The following SFXN5 variants were observed in gnomAD, a reference collection of about 807,000 sequenced individuals.
SFXN5 encodes the protein sideroflexin 5.
SFXN5 carries 43 observed loss-of-function variants against 50.2 expected under a neutral mutation model. That is an observed-to-expected ratio of 0.86 (90% confidence interval 0.67 to 1.11). The LOEUF is 1.11. Among genes scored for constraint, SFXN5 ranks in the 50% least tolerant of loss-of-function variants. The probability of loss-of-function intolerance (pLI) is 0.00; values close to 1 mark genes in which losing one functional copy is unlikely to be tolerated. For missense variants in SFXN5, 463 were observed against 454.1 expected (o/e 1.02, Z -0.18); for synonymous variants, 203 against 185.8 (o/e 1.09, Z -0.75).
intron 13 of SFXN5, among the ~76,000 whole-genome samples, chr2:72,959,644 A>T (rs1240142943): frequency 6.7e-6 from 1 of 149,106 alleles, no homozygotes; most frequent in Non-Finnish European, 1.5e-5. Context: ...CTCCTCTTCC[A>T]CCTACTGAAG....
At chr2:73,005,469 C>T (rs1383661491) in intron 6 of SFXN5, among the ~76,000 whole-genome samples, 1 of 152,176 alleles carries the variant, frequency 6.6e-6, no homozygotes, top group Non-Finnish European at 1.5e-5. Context: ...TGTTTCTTCA[C>T]CTGTTAAGTG....
chr2:72,965,188 G>A lies in SFXN5; in HGVS notation c.827+3260C>T, dbSNP rs559827955. Reference sequence around the variant, plus strand: ...CTGGACAGCAAGAGGACGTTGAGGGGAGCACGCTGGCGGAAGGGCACATTG... The same window carrying A: ...CTGGACAGCAAGAGGACGTTGAGGGAAGCACGCTGGCGGAAGGGCACATTG... On this transcript the variant is annotated intron_variant, in intron 12 of 13. Transcript: ENST00000272433. Among the ~76,000 whole-genome samples, 4 of 152,326 alleles carry A rather than the reference G, an allele frequency of 2.6e-5. No homozygotes were observed. The South Asian group carries it at 8.3e-4, about 32-fold the overall frequency.
intron 12 of SFXN5, among the ~76,000 whole-genome samples, chr2:72,966,309 C>T (rs1332496870): frequency 1.3e-5 from 2 of 152,186 alleles, no homozygotes; most frequent in Non-Finnish European, 2.9e-5. Context: ...ACTGAACCAG[C>T]TTCAGAATTC....
At chr2:73,059,420 A>C (rs1353159435) in intron 1 of SFXN5, 1 of 985,380 alleles carries the variant, frequency 1.0e-6, no homozygotes. Flanking sequence ...CTGGAGCCCC[A>C]CAACTCTCCA....
chr2:72,987,319 A>G (rs930968029), intron 10 of SFXN5, among the ~76,000 whole-genome samples: 14 of 151,446 alleles, frequency 9.2e-5, no homozygotes, highest in Admixed American at 7.9e-4. Context: ...CATGTTGGCA[A>G]GGATGGTCTT....
chr2:73,064,681 G>A (rs940741192), intron 1 of SFXN5, among the ~76,000 whole-genome samples: 1 of 152,190 alleles, frequency 6.6e-6, no homozygotes, highest in Non-Finnish European at 1.5e-5. Context: ...TACCCCAGAG[G>A]GAGCCCTGTG....
Position 73,064,287 on chromosome 2 carries a change from C to T in SFXN5, c.103-5691G>A, listed in dbSNP as rs539809122. ...CCCAAAGCAGAAAGGCTGGGCCAGCCCAGTAGTCCTGAATCAGCTGCACCC... is the reference window on the plus strand; with the variant it reads ...CCCAAAGCAGAAAGGCTGGGCCAGCTCAGTAGTCCTGAATCAGCTGCACCC... On this transcript the variant is annotated intron_variant, in intron 1 of 13. Transcript: ENST00000272433. Among the ~76,000 whole-genome samples, 215 of 152,376 alleles carry T rather than the reference C, an allele frequency of 1.4e-3. 1 individual carries two copies. Among genetic ancestry groups the T allele is most frequent in the African/African-American group, 5.0e-3 (209 of 41,594 alleles).
chr2:72,968,122 AACACACACAC>A (rs34361357), intron 12 of SFXN5, among the ~76,000 whole-genome samples: 1,596 of 137,276 alleles, frequency 0.012, 20 homozygotes, highest in South Asian at 0.025. Context: ...CACACATGAA[AACACACACAC>A]ACACACACAC....
chr2:73,039,219 C>T (rs1384043605), intron 3 of SFXN5, among the ~76,000 whole-genome samples: 6 of 152,316 alleles, frequency 3.9e-5, no homozygotes, highest in South Asian at 4.1e-4. Context: ...TGAGCCACCA[C>T]GCCTGGCCCC....
chr2:73,026,901 G>A (rs761519590), intron 3 of SFXN5, among the ~76,000 whole-genome samples: 2 of 151,900 alleles, frequency 1.3e-5, no homozygotes, highest in Non-Finnish European at 2.9e-5. Flanking sequence ...GCTAATTTTT[G>A]TATTTTTAGT....
intron 10 of SFXN5, among the ~76,000 whole-genome samples, chr2:72,983,544 C>T (rs75342831): frequency 2.0e-5 from 3 of 152,310 alleles, no homozygotes; most frequent in East Asian, 3.9e-4. Flanking sequence ...TTGATGAGCA[C>T]ATGACACTCA....
intron 3 of SFXN5, among the ~76,000 whole-genome samples, chr2:73,037,487 A>G (rs1402234841): frequency 6.6e-6 from 1 of 152,250 alleles, no homozygotes; most frequent in Non-Finnish European, 1.5e-5. Context: ...GATGAAAGCA[A>G]TTAAAAATTT....
At chr2:73,069,516 A>G (rs1296269095) in intron 1 of SFXN5, among the ~76,000 whole-genome samples, 1 of 152,144 alleles carries the variant, frequency 6.6e-6, no homozygotes, top group Non-Finnish European at 1.5e-5. Context: ...TGGAGGAAAG[A>G]GAAGATCCTT....
chr2:73,065,845 G>A (rs1040205042), intron 1 of SFXN5, among the ~76,000 whole-genome samples: 2 of 152,152 alleles, frequency 1.3e-5, no homozygotes, highest in African/African-American at 2.4e-5. Context: ...ATGAGCCACC[G>A]CGCCTGGTCC....
intron 1 of SFXN5, chr2:73,058,925 G>T: frequency 2.4e-6 from 1 of 409,388 alleles, no homozygotes; most frequent in Non-Finnish European, 3.6e-6. Flanking sequence ...GGACATGTAG[G>T]CTGAAGGTGA....
intron 12 of SFXN5, among the ~76,000 whole-genome samples, chr2:72,964,379 C>T (rs1244627512): frequency 2.6e-5 from 4 of 152,232 alleles, no homozygotes; most frequent in East Asian, 1.9e-4. Context: ...CTATAGGGTG[C>T]GTGGCACGGA....
intron 11 of SFXN5, among the ~76,000 whole-genome samples, chr2:72,970,379 A>T (rs1223435020): frequency 6.6e-6 from 1 of 152,196 alleles, no homozygotes; most frequent in Non-Finnish European, 1.5e-5. Flanking sequence ...CAATGTCGGC[A>T]TGACACCCCC....
chr2:73,023,430 C>CT (rs1677164405), intron 3 of SFXN5, among the ~76,000 whole-genome samples: 1 of 152,028 alleles, frequency 6.6e-6, no homozygotes, highest in Non-Finnish European at 1.5e-5. Context: ...AATGGCAGAG[C>CT]TAGGGGACCT....
At position 73,036,060 on chromosome 2, in the gene SFXN5, C is replaced by T. The variant is rs116256828; in HGVS notation, c.249+4794G>A. On this transcript the variant is annotated intron_variant, in intron 3 of 13. Coordinates refer to ENST00000272433, the MANE Select transcript of SFXN5 (RefSeq NM_144579.3). ...CCCAGTTGCAGGCTTCTGGCCCACACACCTGCAAAGGCATGAGAGCAGGCG... is the reference window on the plus strand; with the variant it reads ...CCCAGTTGCAGGCTTCTGGCCCACATACCTGCAAAGGCATGAGAGCAGGCG... 3.2e-3 allele frequency among the ~76,000 whole-genome samples: 492 copies of T among 152,324 alleles called. 5 individuals carry two copies. Among genetic ancestry groups the T allele is most frequent in the African/African-American group, 0.011 (469 of 41,556 alleles).
Sources: gnomAD v4.1 joint callset for allele counts (sites outside exome capture counted in the v4.1 genomes callset) on GRCh38, gnomAD v4.1.1 for gene constraint, MANE v1.5 for transcripts, NCBI Gene and HGNC (gene_info 2026-07-23, HGNC 2026-07-21) for gene names.